PITPNA: variants seen among roughly 807,000 people sequenced by gnomAD.
The protein encoded by PITPNA is phosphatidylinositol transfer protein alpha isoform.
Under a neutral mutation model 50.3 loss-of-function variants are expected in PITPNA, and 13 were observed. That is an observed-to-expected ratio of 0.26 (90% confidence interval 0.17 to 0.41). PITPNA has a LOEUF of 0.41. Ranked by LOEUF, PITPNA falls within the 10% of genes least tolerant of loss-of-function variation. PITPNA has a pLI of 1.00. For missense variants in PITPNA, 207 were observed against 333.4 expected, an observed-to-expected ratio of 0.62 and a Z score of 2.95; for synonymous variants, 120 against 119.6, an observed-to-expected ratio of 1.00 and a Z score of -0.02.
rs190283671 is a variant in PITPNA at position 1,549,104 on chromosome 17, C to T, written c.198-717G>A. On this transcript the variant is annotated intron_variant, in intron 3 of 11. Coordinates refer to ENST00000313486, the MANE Select transcript of PITPNA (RefSeq NM_006224.4). Reference sequence around the variant, plus strand: ...TGTATTTTTAGTAGAGACAGGGTTTCACCATGTTGGCCAGGCTGGTCTTGA... The same window carrying T: ...TGTATTTTTAGTAGAGACAGGGTTTTACCATGTTGGCCAGGCTGGTCTTGA... 6.6e-4 allele frequency among the ~76,000 whole-genome samples: 100 copies of T among 151,664 alleles called. 2 individuals are homozygous for T. The highest frequency in any genetic ancestry group is 2.3e-3 in the African/African-American group (95 of 41,326).
chr17:1,535,423 T>C lies in PITPNA; in HGVS notation c.534+18A>G, dbSNP rs748132809. 1.3e-5 allele frequency: 21 copies of C among 1,598,964 alleles called. 1 individual carries two copies. In the South Asian group the frequency reaches 2.1e-4, roughly 16 times the overall value. ...CACATGCTGCCCAGCCCCCTGGCAGTGAAGGTGTGAATGGTACCTTCCAAT... is the reference window on the plus strand; with the variant it reads ...CACATGCTGCCCAGCCCCCTGGCAGCGAAGGTGTGAATGGTACCTTCCAAT... On this transcript the variant is annotated intron_variant, in intron 8 of 11. Transcript: ENST00000313486.
At chr17:1,551,492 T>A (rs556392981) in intron 3 of PITPNA, among the ~76,000 whole-genome samples, 2 of 152,106 alleles carry the variant, frequency 1.3e-5, no homozygotes, top group South Asian at 4.1e-4. Context: ...GGAGTCTCGC[T>A]ATGTTGCCCA....
chr17:1,542,894 C>T (rs1254601223), intron 5 of PITPNA, 126 bp downstream of exon 5: 4 of 701,194 alleles, frequency 5.7e-6, no homozygotes, highest in Non-Finnish European at 9.9e-6. Context: ...ACTGACAGGA[C>T]TGAGCCTCAG....
chr17:1,534,293 C>T (rs1267307360), intron 9 of PITPNA, 72 bp from the exon 10 acceptor site: 9 of 1,590,138 alleles, frequency 5.7e-6, no homozygotes, highest in Non-Finnish European at 7.7e-6. Flanking sequence ...TCTCCATGCA[C>T]TCCACACGAA....
chr17:1,555,828 C>T (rs1598414081), intron 2 of PITPNA, among the ~76,000 whole-genome samples: 3 of 152,222 alleles, frequency 2.0e-5, no homozygotes, highest in Admixed American at 1.3e-4. Flanking sequence ...GGACACACCC[C>T]GTCAAACAGC....
rs2075773571 is a variant in PITPNA at position 1,562,473 on chromosome 17, C to T, written c.20+68G>A. 7.7e-7 allele frequency: 1 copy of T among 1,306,658 alleles called. No individual in the cohort carries two copies. The highest frequency in any genetic ancestry group is 1.0e-6 in the Non-Finnish European group (1 of 988,958). The allele number at this position is 1,306,658 out of a possible 1,614,324, so 80.9% of individuals were successfully genotyped here. ...CATCCGGGCCCTGCGTCCCTCGCCGCGCCGTCGCCCCGGCGGCCGTCCCCA... is the reference window on the plus strand; with the variant it reads ...CATCCGGGCCCTGCGTCCCTCGCCGTGCCGTCGCCCCGGCGGCCGTCCCCA... On this transcript the variant is annotated intron_variant, in intron 1 of 11. Coordinates refer to ENST00000313486, the MANE Select transcript of PITPNA (RefSeq NM_006224.4). The surrounding 1 kb of genome is among the most constrained non-coding windows in gnomAD (Gnocchi z 6.4).
At chr17:1,520,859 TTCTC>T (rs774864447) in intron 11 of PITPNA, among the ~76,000 whole-genome samples, 11 of 152,148 alleles carry the variant, frequency 7.2e-5, no homozygotes, top group Non-Finnish European at 1.5e-4. Context: ...AAAAATAATT[TTCTC>T]TCTGAGGCTA....
chr17:1,538,890 A>G lies in PITPNA; in HGVS notation c.435T>C (p.Asp145=), dbSNP rs1462797480. Reference sequence around the variant, plus strand: ...CTACCTTGCTGAGCACTTGGCTTCGATCTGCAATGTCTATATATACGGCTT... The same window carrying G: ...CTACCTTGCTGAGCACTTGGCTTCGGTCTGCAATGTCTATATATACGGCTT... ...HVEAVYIDIA[D]RSQVLSKDYK... is the part of the protein sequence containing the mutation. Residue 145 remains aspartate (D), a synonymous_variant, in exon 7 of 12, where the codon GAT becomes GAC. Transcript: ENST00000313486. 1 of 1,613,488 alleles carries G rather than the reference A, an allele frequency of 6.2e-7. No homozygotes were observed. The highest frequency in any genetic ancestry group is 8.5e-7 in the Non-Finnish European group (1 of 1,179,458).
intron 10 of PITPNA, among the ~76,000 whole-genome samples, chr17:1,526,771 T>G (rs75400589): frequency 0.053 from 8,036 of 152,258 alleles, 253 homozygotes; most frequent in Non-Finnish European, 0.075. Context: ...AATCTTTTTT[T>G]GTTTGTTTTT....
At position 1,535,186 on chromosome 17, in the gene PITPNA, TG is replaced by T; in HGVS notation, c.640del (p.His214IlefsTer25). ...GGCCTCAGCCGAGCTACTTACCTTA[TG>T]GATGAAGTTCTCCACTTTGTTCTGC... ...GLQNKVENFI[H>X]KQERRLFTNF... On this transcript the variant is annotated frameshift_variant, in exon 9 of 12. Transcript: ENST00000313486. LOFTEE classifies it high-confidence loss of function. The T allele has an allele frequency of 6.2e-7, 1 of 1,604,552 alleles. No individual in the cohort carries two copies. The highest frequency in any genetic ancestry group is 8.5e-7 in the Non-Finnish European group (1 of 1,171,296).
intron 10 of PITPNA, among the ~76,000 whole-genome samples, chr17:1,527,861 A>G (rs1183206094): frequency 1.3e-5 from 2 of 152,212 alleles, no homozygotes; most frequent in African/African-American, 2.4e-5. Context: ...GAATCTTTCA[A>G]TCATTTCAAA....
At chr17:1,539,140 T>C (rs73296928) in intron 6 of PITPNA, among the ~76,000 whole-genome samples, 188 bp from the exon 7 acceptor site, 35,985 of 152,110 alleles carry the variant, frequency 0.24, 4,967 homozygotes, top group African/African-American at 0.38. Flanking sequence ...TTTTAAGAGA[T>C]GGGGTCTCAC....
rs749649250 is a variant in PITPNA at position 1,541,613 on chromosome 17, T to G, written c.325A>C (p.Ile109Leu). 1.2e-6 allele frequency: 2 copies of G among 1,612,954 alleles called. No homozygotes were observed. Among genetic ancestry groups the G allele is most frequent in the Non-Finnish European group, 1.7e-6 (2 of 1,178,990 alleles). ...GGTTTGTGCCAGGTTTCAATTTTAA[T>G]CAGAAAGTCTTCTTTCATGTACTCA... ...TNEYMKEDFL[I>L]KIETWHKPDL... The change falls in exon 6 of 12, where the codon ATT (isoleucine) becomes CTT (leucine). Residue 109 changes from isoleucine to leucine, a missense_variant. Transcript: ENST00000313486.
intron 1 of PITPNA, among the ~76,000 whole-genome samples, chr17:1,561,672 C>G (rs2075768976): frequency 6.6e-6 from 1 of 152,180 alleles, no homozygotes; most frequent in Non-Finnish European, 1.5e-5. Context: ...CAAAAGCCTC[C>G]TCTTCCGCAC....
rs574824653 is a variant in PITPNA at position 1,562,433 on chromosome 17, T to C, written c.20+108A>G. ...GCCCGCCTCAGGCACCCTCCGTCCC[T>C]GCTGCCCCTCCGTCCATCCGGGCCC... On this transcript the variant is annotated intron_variant, in intron 1 of 11. Coordinates refer to ENST00000313486, the MANE Select transcript of PITPNA (RefSeq NM_006224.4). This position sits in a 1 kb window ranked among gnomAD's most constrained non-coding sequence, Gnocchi z 6.4. 1.2e-5 allele frequency: 10 copies of C among 842,904 alleles called. No individual in the cohort carries two copies. In the South Asian group the frequency reaches 2.1e-4, roughly 18 times the overall value. 52.2% of individuals were successfully genotyped at this position (842,904 alleles called of 1,614,324 possible). A position where few individuals can be genotyped will look rare whatever the true frequency, so the allele number is the denominator to read the frequency against.
At position 1,519,734 on chromosome 17, in the gene PITPNA, C is replaced by G. The variant is rs2075497474; in HGVS notation, c.*827G>C. ...ACTTACAGAGCTCCTCGGGGTCAGA[C>G]AGTTGGTATCTAGGGGGTGACTCAA... On this transcript the variant is annotated 3_prime_UTR_variant, in exon 12 of 12. Transcript: ENST00000313486. 1 of 152,490 alleles carries G rather than the reference C, an allele frequency of 6.6e-6. No homozygotes were observed. Among genetic ancestry groups the G allele is most frequent in the Non-Finnish European group, 1.5e-5 (1 of 68,082 alleles). The allele number at this position is 152,490 out of a possible 1,614,324, so 9.4% of individuals were successfully genotyped here. A position where few individuals can be genotyped will look rare whatever the true frequency, so the allele number is the denominator to read the frequency against.
At chr17:1,543,091 GC>G (rs1388886248) in intron 4 of PITPNA, 64 bp from the exon 5 acceptor site, 4 of 1,295,378 alleles carry the variant, frequency 3.1e-6, no homozygotes, top group South Asian at 1.3e-5. Context: ...AGAAATATCT[GC>G]CCCCCACCCC....
chr17:1,562,150 G>A lies in PITPNA; in HGVS notation c.20+391C>T, dbSNP rs2075771646. Among the ~76,000 whole-genome samples the A allele has an allele frequency of 6.6e-6, 1 of 152,080 alleles. No homozygotes were observed. Among genetic ancestry groups the A allele is most frequent in the Non-Finnish European group, 1.5e-5 (1 of 67,992 alleles). ...CCTGGCCTCGCCCTCGCTGTCCCCG[G>A]CCTCTCCTCGGGTCCACTTGGGCCT... is the stretch of plus-strand genomic sequence containing the variant. On this transcript the variant is annotated intron_variant, in intron 1 of 11. Transcript: ENST00000313486. The surrounding 1 kb of genome is among the most constrained non-coding windows in gnomAD (Gnocchi z 6.4).
chr17:1,537,832 G>A (rs1363237487), intron 7 of PITPNA, among the ~76,000 whole-genome samples: 1 of 151,886 alleles, frequency 6.6e-6, no homozygotes. Context: ...ATGGAGTCTC[G>A]CTGTGTCGCC....
Sources: gnomAD v4.1 joint callset for allele counts (sites outside exome capture counted in the v4.1 genomes callset) on GRCh38, gnomAD v4.1.1 for gene constraint, Gnocchi (gnomAD v3.1) non-coding constraint, MANE v1.5 for transcripts, NCBI Gene and HGNC (gene_info 2026-07-23, HGNC 2026-07-21) for gene names.